The following NAV3 variants were observed in gnomAD, a reference collection of about 807,000 sequenced individuals.
NAV3 encodes neuron navigator 3, also known as pore membrane and/or filament interacting like protein 1.
NAV3 carries 87 observed loss-of-function variants against 244.7 expected under a neutral mutation model. That is an observed-to-expected ratio of 0.36 (90% confidence interval 0.30 to 0.42). The LOEUF (loss-of-function observed/expected upper bound fraction) is 0.42. NAV3 is among the 20% of genes least tolerant of loss of function. The probability of loss-of-function intolerance (pLI) is 1.00; values close to 1 mark genes in which losing one functional copy is unlikely to be tolerated. For synonymous variants in NAV3, 1,126 were observed against 1,042.2 expected, an observed-to-expected ratio of 1.08 and a Z score of -1.55; for missense variants, 2,663 against 2,893.3, an observed-to-expected ratio of 0.92 and a Z score of 1.83.
intron 8 of NAV3, among the ~76,000 whole-genome samples, chr12:78,009,138 G>T (rs1051361931): frequency 6.6e-6 from 1 of 152,132 alleles, no homozygotes; most frequent in Non-Finnish European, 1.5e-5. Context: ...CAAATTTAGT[G>T]GTTTCCATTT....
chr12:78,193,315 A>G lies in NAV3; in HGVS notation c.6291+3096A>G, dbSNP rs1271267823. The stretch of plus-strand genomic sequence containing the variant: ...CACATAAACAATTACACTTTGTGAC[A>G]TTCGATATAGTAGGCCCAGAGGGCT... On this transcript the variant is annotated intron_variant, in intron 34 of 39. Coordinates refer to ENST00000397909, the MANE Select transcript of NAV3 (RefSeq NM_001024383.2). 2.0e-5 allele frequency among the ~76,000 whole-genome samples: 3 copies of G among 152,314 alleles called. No homozygotes were observed. In the East Asian group the frequency reaches 5.8e-4, roughly 29 times the overall value.
chr12:78,004,686 T>A (rs545452384), intron 7 of NAV3, among the ~76,000 whole-genome samples: 1 of 152,224 alleles, frequency 6.6e-6, no homozygotes, highest in South Asian at 2.1e-4. Flanking sequence ...CTGTGAGGAG[T>A]CCAGAGAGAC....
chr12:77,582,777 C>A (rs2136682533), intron 2 of NAV3, among the ~76,000 whole-genome samples: 1 of 152,270 alleles, frequency 6.6e-6, no homozygotes, highest in Non-Finnish European at 1.5e-5. Context: ...TCTATTGGAC[C>A]AAGTTCACAT....
At chr12:78,018,513 A>G (rs999184822) in intron 8 of NAV3, among the ~76,000 whole-genome samples, 1 of 152,200 alleles carries the variant, frequency 6.6e-6, no homozygotes, top group Non-Finnish European at 1.5e-5. Context: ...TTTTTAACTA[A>G]CATGGCCAGA....
At chr12:77,947,727 T>A (rs964812297) in intron 3 of NAV3, among the ~76,000 whole-genome samples, 9 of 152,018 alleles carry the variant, frequency 5.9e-5, no homozygotes, top group Non-Finnish European at 1.5e-5. Context: ...TCTTAATGAT[T>A]TCATTATTTT....
intron 7 of NAV3, among the ~76,000 whole-genome samples, chr12:78,002,595 TG>T (rs1490223639): frequency 1.3e-5 from 2 of 152,280 alleles, no homozygotes; most frequent in East Asian, 3.9e-4. Flanking sequence ...TTAAACACTT[TG>T]TTTTTTTAAT....
At position 77,778,613 on chromosome 12, in the gene NAV3, GAAAAAAA is replaced by G. The variant is rs746919824; in HGVS notation, c.73-161694_73-161688del. Among the ~76,000 whole-genome samples, 7 of 58,164 alleles carry G rather than the reference GAAAAAAA, an allele frequency of 1.2e-4. No individual in the cohort carries two copies. In the Admixed American group the frequency reaches 1.2e-3, roughly 10 times the overall value. 38.2% of individuals were successfully genotyped at this position (58,164 alleles called of 152,430 possible). A position where few individuals can be genotyped will look rare whatever the true frequency, so the allele number is the denominator to read the frequency against. ...GGCAACAGAGCGAGACTCCGTCTCA[GAAAAAAA>G]AAAAAAAAAAAGAAAATGCATTTAT... On this transcript the variant is annotated intron_variant, in intron 2 of 8. Transcript: ENST00000550042.
intron 2 of NAV3, among the ~76,000 whole-genome samples, chr12:77,812,683 C>T (rs185953601): frequency 2.0e-5 from 3 of 152,056 alleles, no homozygotes; most frequent in Admixed American, 6.5e-5. Flanking sequence ...CCCGCCTGGC[C>T]TCCCAAAGTG....
intron 2 of NAV3, among the ~76,000 whole-genome samples, chr12:77,642,987 C>G (rs1872479621): frequency 6.6e-6 from 1 of 151,920 alleles, no homozygotes; most frequent in Admixed American, 6.6e-5. Flanking sequence ...TTCCTATTAT[C>G]TTTCTTTTCC....
intron 5 of NAV3, among the ~76,000 whole-genome samples, chr12:77,980,470 A>ATTT (rs1869370289): frequency 6.6e-6 from 1 of 152,252 alleles, no homozygotes. Flanking sequence ...AAATAATTTA[A>ATTT]CATATTTTAT....
intron 12 of NAV3, among the ~76,000 whole-genome samples, chr12:78,068,152 C>T (rs1020887070): frequency 2.0e-5 from 3 of 151,844 alleles, no homozygotes; most frequent in African/African-American, 7.2e-5. Context: ...TTTACTTTAT[C>T]TTTACAATAG....
intron 2 of NAV3, among the ~76,000 whole-genome samples, chr12:77,722,160 T>G (rs1876666112): frequency 6.6e-6 from 1 of 152,040 alleles, no homozygotes; most frequent in Admixed American, 6.6e-5. Flanking sequence ...TATCCTCTTG[T>G]TGGGTTGTTA....
intron 34 of NAV3, among the ~76,000 whole-genome samples, chr12:78,191,880 T>A (rs1362464927): frequency 6.6e-6 from 1 of 152,202 alleles, no homozygotes; most frequent in African/African-American, 2.4e-5. Context: ...CTTTACAAGG[T>A]ACTTTTTTTA....
chr12:78,179,341 C>G (rs1958400419), intron 28 of NAV3, 188 bp from the exon 29 acceptor site: 1 of 500,722 alleles, frequency 2.0e-6, no homozygotes, highest in Non-Finnish European at 3.4e-6. Context: ...GAAAAAGCTA[C>G]TTCCGTTTTG....
rs144751848 is a variant in NAV3 at position 77,919,162 on chromosome 12, A to G, written c.244-21157A>G. Among the ~76,000 whole-genome samples, 12 of 152,232 alleles carry G rather than the reference A, an allele frequency of 7.9e-5. No individual in the cohort carries two copies. The East Asian group carries it at 2.1e-3, about 27-fold the overall frequency. ...GGATATCACAGAAAGTGAACAAACA[A>G]CAAATATTTTATGTCTATGGCCAGA... On this transcript the variant is annotated intron_variant, in intron 1 of 39. Coordinates refer to ENST00000397909, the MANE Select transcript of NAV3 (RefSeq NM_001024383.2).
At chr12:78,121,813 G>A in intron 15 of NAV3, 127 bp from the exon 16 acceptor site, 1 of 1,191,070 alleles carries the variant, frequency 8.4e-7, no homozygotes, top group Non-Finnish European at 1.2e-6. Context: ...CATTAACATA[G>A]AGACAGGAAG....
Position 77,918,089 on chromosome 12 carries a change from A to T in NAV3, c.244-22230A>T, listed in dbSNP as rs187826854. Among the ~76,000 whole-genome samples, 271 of 152,200 alleles carry T rather than the reference A, an allele frequency of 1.8e-3. 3 individuals carry two copies. The highest frequency in any genetic ancestry group is 6.3e-3 in the African/African-American group (261 of 41,554). Reference sequence around the variant, plus strand: ...AATCAAAATAAATTGTTAAGACTTGAGTTTATACCTAAAGAACAATATTTT... The same window carrying T: ...AATCAAAATAAATTGTTAAGACTTGTGTTTATACCTAAAGAACAATATTTT... On this transcript the variant is annotated intron_variant, in intron 1 of 39. Transcript: ENST00000397909.
rs762388781 is a variant in NAV3 at position 77,697,044 on chromosome 12, T to C, written c.72+124778T>C. On this transcript the variant is annotated intron_variant, in intron 2 of 8. Transcript: ENST00000550042. Reference sequence around the variant, plus strand: ...CTTCACCTTATTATAGAGCTGTGTTTCTCTGTTTCTGACCCAGTTTCCTTC... The same window carrying C: ...CTTCACCTTATTATAGAGCTGTGTTCCTCTGTTTCTGACCCAGTTTCCTTC... Among the ~76,000 whole-genome samples, 7 of 152,166 alleles carry C rather than the reference T, an allele frequency of 4.6e-5. No homozygotes were observed. In the South Asian group the frequency reaches 6.2e-4, roughly 13 times the overall value.
intron 2 of NAV3, among the ~76,000 whole-genome samples, chr12:77,793,606 G>C (rs188843111): frequency 1.3e-5 from 2 of 152,254 alleles, no homozygotes; most frequent in Admixed American, 1.3e-4. Flanking sequence ...AGTTTTCTGA[G>C]AATGATGGTT....
Sources: gnomAD v4.1 joint callset for allele counts (sites outside exome capture counted in the v4.1 genomes callset) on GRCh38, gnomAD v4.1.1 for gene constraint, MANE v1.5 for transcripts, NCBI Gene and HGNC (gene_info 2026-07-23, HGNC 2026-07-21) for gene names.